ALPK3: variants seen among roughly 807,000 people sequenced by gnomAD.
ALPK3 encodes alpha-protein kinase 3.
A neutral mutation model predicts 140.0 loss-of-function variants in ALPK3; 102 were observed. That is an observed-to-expected ratio of 0.73 (90% confidence interval 0.62 to 0.86). The LOEUF (loss-of-function observed/expected upper bound fraction) is 0.86. ALPK3 is among the 40% of genes least tolerant of loss of function. The probability of loss-of-function intolerance (pLI) is 0.00; values close to 1 mark genes in which losing one functional copy is unlikely to be tolerated. For synonymous variants in ALPK3, 938 were observed against 898.5 expected, an observed-to-expected ratio of 1.04 and a Z score of -0.79; for missense variants, 2,254 against 2,208.2, an observed-to-expected ratio of 1.02 and a Z score of -0.42.
chr15:84,827,082 T>C (rs1963495703), intron 2 of ALPK3, among the ~76,000 whole-genome samples: 1 of 152,246 alleles, frequency 6.6e-6, no homozygotes, highest in African/African-American at 2.4e-5. Flanking sequence ...GGCTCTGCTA[T>C]GCTGGGGGCT....
chr15:84,859,270 T>C lies in ALPK3; in HGVS notation c.3845T>C (p.Val1282Ala). The stretch of plus-strand genomic sequence containing the variant: ...CCACAGGTGATCCGGAAGATTCGGG[T>C]GGAGCAGTTTCCTGATGCCTCCGGT... ...KAPQVIRKIR[V>A]EQFPDASGSL... The change falls in exon 7 of 14, where the codon GTG (valine) becomes GCG (alanine). Residue 1282 changes from valine (V) to alanine (A), a missense_variant. Physicochemically the swap from Val to Ala is moderately conservative, Grantham distance 64. Around this residue, in one of 3 missense-constraint regions of ALPK3, gnomAD observed 2,088 missense variants for 2,022.9 expected, o/e 1.03. Transcript: ENST00000258888. The C allele has an allele frequency of 6.2e-7, 1 of 1,614,116 alleles. No individual in the cohort carries two copies.
intron 2 of ALPK3, 122 bp from the exon 3 acceptor site, chr15:84,827,362 G>C: frequency 7.1e-7 from 1 of 1,406,464 alleles, no homozygotes; most frequent in Non-Finnish European, 9.8e-7. Flanking sequence ...TTGCCGGGGT[G>C]CTGCAGCTCT....
chr15:84,862,996 C>T lies in ALPK3; in HGVS notation c.4410+81C>T, dbSNP rs1017561368. ...CCCAGCCCAGGTCCTGTTAGGATGC[C>T]CAGTATCGAGGCAGAAGGCATCTCA... On this transcript the variant is annotated intron_variant, in intron 10 of 13. Coordinates refer to ENST00000258888, the MANE Select transcript of ALPK3 (RefSeq NM_020778.5). 4 of 1,538,292 alleles carry T rather than the reference C, an allele frequency of 2.6e-6. No homozygotes were observed. The East Asian group carries it at 6.8e-5, about 26-fold the overall frequency.
Position 84,856,586 on chromosome 15 carries a change from A to G in ALPK3, c.1848A>G (p.Ile616Met). Residue 616 changes from isoleucine to methionine, a missense_variant, in exon 6 of 14, where the codon ATA (isoleucine) becomes ATG (methionine). Ile to Met is a conservative substitution (Grantham distance 10, BLOSUM62 1). Transcript: ENST00000258888. ...SKKNVQADGK[I>M]QVDGRTRGDG... ...AGAATGTGCAGGCAGATGGGAAGAT[A>G]CAAGTGGATGGAAGGACCAGGGGAG... 6.2e-7 allele frequency: 1 copy of G among 1,614,206 alleles called. No individual in the cohort carries two copies. The highest frequency in any genetic ancestry group is 8.5e-7 in the Non-Finnish European group (1 of 1,180,036).
At position 84,840,528 on chromosome 15, in the gene ALPK3, G is replaced by A. The variant is rs780011424; in HGVS notation, c.1249G>A (p.Asp417Asn). The A allele has an allele frequency of 6.2e-7, 1 of 1,608,482 alleles. No homozygotes were observed. The highest frequency in any genetic ancestry group is 8.5e-7 in the Non-Finnish European group (1 of 1,177,970). Residue 417 changes from aspartate to asparagine, a missense_variant, in exon 5 of 14, where the codon GAC becomes AAC. By Grantham distance (23) the Asp-to-Asn change is conservative. Coordinates refer to ENST00000258888, the MANE Select transcript of ALPK3 (RefSeq NM_020778.5). ...PGQEVYFSLK[D>N]MYLENTQAVR... ...CCAGGAAGTGTATTTCTCCTTGAAG[G>A]ACATGTACCTGGAGAACACCCAGGC...
intron 2 of ALPK3, among the ~76,000 whole-genome samples, chr15:84,825,776 A>T (rs1963479309): frequency 6.6e-6 from 1 of 152,172 alleles, no homozygotes; most frequent in Non-Finnish European, 1.5e-5. Context: ...TATTTCCCCA[A>T]ATCAGAAATT....
intron 3 of ALPK3, among the ~76,000 whole-genome samples, chr15:84,837,004 C>T (rs190812606): frequency 1.3e-5 from 2 of 152,050 alleles, no homozygotes; most frequent in Non-Finnish European, 1.5e-5. Flanking sequence ...GTTGGTGATG[C>T]TGATGGGTTA....
At chr15:84,847,251 A>AGGG (rs1963743629) in intron 5 of ALPK3, among the ~76,000 whole-genome samples, 2 of 95,060 alleles carry the variant, frequency 2.1e-5, no homozygotes, top group Non-Finnish European at 4.9e-5. Flanking sequence ...GAGAGAGAGG[A>AGGG]ATCAGAAAAA....
At chr15:84,845,948 T>C (rs1963726184) in intron 5 of ALPK3, among the ~76,000 whole-genome samples, 1 of 152,176 alleles carries the variant, frequency 6.6e-6, no homozygotes, top group Admixed American at 6.5e-5. Context: ...TAGTCCCACC[T>C]ACTCGGGAGG....
rs1278708077 is a variant in ALPK3 at position 84,839,980 on chromosome 15, G to A, written c.701G>A (p.Gly234Asp). 1 of 1,612,854 alleles carries A rather than the reference G, an allele frequency of 6.2e-7. No homozygotes were observed. ...KRRLSGAQAP[G>D]PSVPTREPEG... ...CGATTGAGCGGGGCTCAAGCGCCGG[G>A]CCCCTCGGTCCCTACCAGGGAGCCT... The change falls in exon 5 of 14, where the codon GGC (glycine) becomes GAC (aspartate). Residue 234 changes from glycine to aspartate, a missense_variant. This residue lies in a region of ALPK3 where 2,088 missense variants were observed against 2,022.9 expected (regional missense o/e 1.03). Transcript: ENST00000258888.
At chr15:84,853,703 A>C (rs1963831151) in intron 5 of ALPK3, among the ~76,000 whole-genome samples, 1 of 152,086 alleles carries the variant, frequency 6.6e-6, no homozygotes, top group Non-Finnish European at 1.5e-5. Flanking sequence ...CAATAGGTTG[A>C]GGCTATGATC....
At chr15:84,817,837 C>G (rs779178105) in intron 1 of ALPK3, among the ~76,000 whole-genome samples, 2 of 152,190 alleles carry the variant, frequency 1.3e-5, no homozygotes, top group Non-Finnish European at 2.9e-5. Flanking sequence ...GACAAAGGCT[C>G]CACTTTGGAG....
chr15:84,817,539 G>A lies in ALPK3; in HGVS notation c.87G>A (p.Val29=), dbSNP rs1429696981. Residue 29 remains valine, a synonymous_variant, in exon 1 of 14, where the codon GTG becomes GTA. Transcript: ENST00000258888. ...GCGACGGTGAGGACGACGGCCCCGTGTGGATCCCCAGCCCAGCCAGCCGGA... is the reference window on the plus strand; with the variant it reads ...GCGACGGTGAGGACGACGGCCCCGTATGGATCCCCAGCCCAGCCAGCCGGA... ...AGGDGEDDGP[V]WIPSPASRSY... is the part of the protein sequence containing the mutation. 5 of 1,500,818 alleles carry A rather than the reference G, an allele frequency of 3.3e-6. No homozygotes were observed. In the East Asian group the frequency reaches 1.1e-4, roughly 34 times the overall value. 93.0% of individuals were successfully genotyped at this position (1,500,818 alleles called of 1,614,324 possible). A position where few individuals can be genotyped will look rare whatever the true frequency, so the allele number is the denominator to read the frequency against.
intron 10 of ALPK3, 149 bp downstream of exon 10, chr15:84,863,064 C>A: frequency 8.9e-7 from 1 of 1,121,982 alleles, no homozygotes; most frequent in Non-Finnish European, 1.2e-6. Flanking sequence ...TGTGGAAAGC[C>A]TGAGATGCAG....
chr15:84,853,344 G>A (rs1963827191), intron 5 of ALPK3, among the ~76,000 whole-genome samples: 1 of 152,242 alleles, frequency 6.6e-6, no homozygotes, highest in Non-Finnish European at 1.5e-5. Flanking sequence ...CGGGTGCAGT[G>A]ACTCATGCCT....
At chr15:84,831,578 T>C (rs1258727890) in intron 3 of ALPK3, among the ~76,000 whole-genome samples, 2 of 152,246 alleles carry the variant, frequency 1.3e-5, no homozygotes, top group Non-Finnish European at 2.9e-5. Context: ...CTCTCTGAGA[T>C]GCTTATTAAT....
intron 2 of ALPK3, 75 bp downstream of exon 2, chr15:84,823,443 T>A: frequency 6.5e-7 from 1 of 1,538,064 alleles, no homozygotes; most frequent in Non-Finnish European, 9.0e-7. Flanking sequence ...ACTGAGTGTC[T>A]GCTCGTGCAC....
chr15:84,839,609 A>T, intron 4 of ALPK3, 93 bp from the exon 5 acceptor site: 1 of 1,371,734 alleles, frequency 7.3e-7, no homozygotes, highest in Non-Finnish European at 9.9e-7. Context: ...GGGAGGGGGA[A>T]GTGTGCCCGG....
intron 5 of ALPK3, among the ~76,000 whole-genome samples, chr15:84,855,210 G>T (rs1227039223): frequency 1.3e-5 from 2 of 152,134 alleles, no homozygotes; most frequent in Non-Finnish European, 2.9e-5. Context: ...GTTGCACGTG[G>T]ACTTACGGGT....
Sources: allele counts gnomAD v4.1 joint callset (sites outside exome capture counted in the v4.1 genomes callset), GRCh38; gene constraint gnomAD v4.1.1; regional missense constraint gnomAD v4.1.1; transcripts MANE v1.5; gene names NCBI Gene and HGNC (gene_info 2026-07-23, HGNC 2026-07-21).